NR2C2: variants seen among roughly 807,000 people sequenced by gnomAD.
The protein encoded by NR2C2 is nuclear receptor subfamily 2 group C member 2, also known as Nuclear hormone receptor TR4.
NR2C2 carries 6 observed loss-of-function variants against 62.9 expected under a neutral mutation model. That is an observed-to-expected ratio of 0.10 (90% CI 0.05 to 0.19). NR2C2 has a LOEUF of 0.19. Among genes scored for constraint, NR2C2 ranks in the 10% least tolerant of loss-of-function variants. The pLI is 1.00. For missense variants in NR2C2, 479 were observed against 762.7 expected (o/e 0.63, Z 4.38); for synonymous variants, 272 against 273.8 (o/e 0.99, Z 0.07).
chr3:15,022,398 C>CTTTTTTTTTTTTTTTTTTTTT (rs71038450), intron 5 of NR2C2, among the ~76,000 whole-genome samples: 5 of 89,140 alleles, frequency 5.6e-5, no homozygotes, highest in Non-Finnish European at 8.8e-5. Context: ...CTTTTTCTTT[C>CTTTTTTTTTTTTTTTTTTTTT]TTTTTTTTTT....
chr3:15,036,438 G>C (rs776432241), intron 11 of NR2C2, among the ~76,000 whole-genome samples: 1 of 151,958 alleles, frequency 6.6e-6, no homozygotes, highest in Non-Finnish European at 1.5e-5. Flanking sequence ...CCCAGGATTC[G>C]AAGTAACACT....
chr3:14,956,997 A>G (rs545977832), intron 1 of NR2C2, among the ~76,000 whole-genome samples: 28 of 152,338 alleles, frequency 1.8e-4, no homozygotes, highest in African/African-American at 5.3e-4. Flanking sequence ...ACCTTTCACC[A>G]ATGATAGCTA....
intron 2 of NR2C2, among the ~76,000 whole-genome samples, chr3:15,005,056 C>T (rs540884185): frequency 6.6e-6 from 1 of 151,692 alleles, no homozygotes; most frequent in African/African-American, 2.4e-5. Context: ...CCCAGCCACC[C>T]CTTTCTTATT....
chr3:14,949,362 A>G (rs1158435194), intron 1 of NR2C2, among the ~76,000 whole-genome samples: 1 of 152,246 alleles, frequency 6.6e-6, no homozygotes, highest in East Asian at 1.9e-4. Context: ...CAGACAGGAC[A>G]TCCCGTGTAA....
At chr3:14,993,165 G>GA (rs1260267207) in intron 1 of NR2C2, among the ~76,000 whole-genome samples, 4 of 152,100 alleles carry the variant, frequency 2.6e-5, no homozygotes, top group Admixed American at 6.6e-5. Flanking sequence ...ATATTTCTGG[G>GA]AAAAAAGGCC....
intron 2 of NR2C2, among the ~76,000 whole-genome samples, chr3:15,008,183 A>C (rs1465549356): frequency 1.3e-5 from 2 of 151,442 alleles, no homozygotes; most frequent in Non-Finnish European, 2.9e-5. Context: ...GAAATACTCA[A>C]TTTTTAGATG....
At chr3:15,028,860 C>A in intron 8 of NR2C2, 141 bp downstream of exon 8, 1 of 919,532 alleles carries the variant, frequency 1.1e-6, no homozygotes, top group Non-Finnish European at 1.6e-6. Context: ...GCTCATCTGT[C>A]TTCTTTGAAA....
chr3:14,958,426 G>T (rs964784247), intron 1 of NR2C2, among the ~76,000 whole-genome samples: 7 of 151,932 alleles, frequency 4.6e-5, no homozygotes, highest in Non-Finnish European at 7.4e-5. Flanking sequence ...TTGTGGGGGT[G>T]GGGGGCAATC....
At chr3:14,989,514 G>C (rs2125359846) in intron 1 of NR2C2, among the ~76,000 whole-genome samples, 1 of 152,216 alleles carries the variant, frequency 6.6e-6, no homozygotes, top group East Asian at 1.9e-4. Flanking sequence ...GAATATTAGG[G>C]CCAGGCATGG....
chr3:15,031,388 C>T (rs1424582367), intron 9 of NR2C2, among the ~76,000 whole-genome samples: 2 of 149,022 alleles, frequency 1.3e-5, no homozygotes, highest in African/African-American at 5.0e-5. Context: ...TTTTTTTAAA[C>T]AAATACATAG....
Position 14,974,020 on chromosome 3 carries a change from C to T in NR2C2, c.-40+26114C>T, listed in dbSNP as rs114525067. 2.4e-3 allele frequency among the ~76,000 whole-genome samples: 364 copies of T among 152,312 alleles called. 2 individuals are homozygous for T. Among genetic ancestry groups the T allele is most frequent in the African/African-American group, 8.2e-3 (339 of 41,562 alleles). ...GTTCAGTAGTTTAAGTATATTCATA[C>T]TGTTGTACAACAGATCTTCACAGTT... On this transcript the variant is annotated intron_variant, in intron 1 of 13. Transcript: ENST00000425241.
In NR2C2 at chr3:14,988,384, A is replaced by G. The variant is rs560059099; in HGVS notation, c.-39-15492A>G. ...CTGCCTCACCCAAACCACTGGGAGA[A>G]GGAATTCTTATATTTCCTAGAAAAA... On this transcript the variant is annotated intron_variant, in intron 1 of 13. Coordinates refer to ENST00000425241, the MANE Select transcript of NR2C2 (RefSeq NM_001291694.2). Among the ~76,000 whole-genome samples the G allele has an allele frequency of 4.6e-4, 70 of 152,378 alleles. 1 individual carries two copies. The South Asian group carries it at 0.012, about 26-fold the overall frequency.
In NR2C2 at chr3:15,048,113, A is replaced by ATAAG. The variant is rs1401969503; in HGVS notation, c.*5107_*5110dup. ...ACAGTTTCCTCTTTTTCTTTTTAAA[A>ATAAG]TAAGTTATCAAAATGTTTTAAAAAC... On this transcript the variant is annotated 3_prime_UTR_variant, in exon 14 of 14. Transcript: ENST00000425241. The ATAAG allele has an allele frequency of 6.6e-6, 1 of 152,666 alleles. No individual in the cohort carries two copies. The highest frequency in any genetic ancestry group is 1.5e-5 in the Non-Finnish European group (1 of 68,042). The allele number at this position is 152,666 out of a possible 1,614,324, so 9.5% of individuals were successfully genotyped here. A position where few individuals can be genotyped will look rare whatever the true frequency, so the allele number is the denominator to read the frequency against.
intron 2 of NR2C2, among the ~76,000 whole-genome samples, chr3:15,010,208 T>G (rs1002413813): frequency 1.3e-5 from 2 of 152,198 alleles, no homozygotes; most frequent in Admixed American, 6.6e-5. Context: ...AATCTATCTG[T>G]GTTTGTTAAC....
At chr3:14,966,113 A>G (rs1053275487) in intron 1 of NR2C2, among the ~76,000 whole-genome samples, 2 of 152,246 alleles carry the variant, frequency 1.3e-5, no homozygotes, top group Non-Finnish European at 2.9e-5. Flanking sequence ...TTTTAATGCT[A>G]AGTAGTAATG....
intron 1 of NR2C2, among the ~76,000 whole-genome samples, chr3:14,952,564 G>A (rs943365171): frequency 8.5e-5 from 13 of 152,126 alleles, no homozygotes; most frequent in African/African-American, 2.2e-4. Flanking sequence ...CTAGATTTTC[G>A]TTTACCTCTT....
chr3:15,040,022 G>A (rs1225854142), intron 13 of NR2C2, among the ~76,000 whole-genome samples: 5 of 152,074 alleles, frequency 3.3e-5, no homozygotes, highest in Non-Finnish European at 5.9e-5. Context: ...AGGCACGGTG[G>A]TAGGCGCCTG....
intron 1 of NR2C2, among the ~76,000 whole-genome samples, chr3:14,985,835 C>A (rs1007464261): frequency 6.6e-6 from 1 of 152,164 alleles, no homozygotes; most frequent in Non-Finnish European, 1.5e-5. Flanking sequence ...TGATGGACAT[C>A]TTTATATATG....
At chr3:14,974,730 A>G (rs761997058) in intron 1 of NR2C2, among the ~76,000 whole-genome samples, 9 of 151,684 alleles carry the variant, frequency 5.9e-5, no homozygotes, top group Non-Finnish European at 1.0e-4. Flanking sequence ...CAGCCTCCCA[A>G]GTAGCTGGGA....
Sources: gnomAD v4.1 joint callset for allele counts (sites outside exome capture counted in the v4.1 genomes callset) on GRCh38, gnomAD v4.1.1 for gene constraint, MANE v1.5 for transcripts, NCBI Gene and HGNC (gene_info 2026-07-23, HGNC 2026-07-21) for gene names.